The following SLC24A2 variants were observed in gnomAD, a reference collection of about 807,000 sequenced individuals.
SLC24A2 encodes the protein solute carrier family 24 member 2.
SLC24A2 carries 36 observed loss-of-function variants against 62.0 expected under a neutral mutation model. The ratio of observed to expected loss-of-function variants is 0.58; its 90% CI spans 0.44 to 0.77. The LOEUF (loss-of-function observed/expected upper bound fraction) is 0.77. Ranked by LOEUF, SLC24A2 falls within the 30% of genes least tolerant of loss-of-function variation. SLC24A2 has a pLI of 0.00. For synonymous variants in SLC24A2, 358 were observed against 294.0 expected (o/e 1.22, Z -2.23); for missense variants, 846 against 817.9 (o/e 1.03, Z -0.42).
the SLC24A2 span, among the ~76,000 whole-genome samples, chr9:19,934,714 C>T: frequency 6.6e-6 from 1 of 152,166 alleles, no homozygotes; most frequent in South Asian, 2.1e-4. The surrounding 1 kb of genome is among the most constrained non-coding windows in gnomAD (Gnocchi z 4.1). Flanking sequence ...GGAAACGTTC[C>T]CTACGCTTCC....
the SLC24A2 span, among the ~76,000 whole-genome samples, chr9:19,913,498 G>A: frequency 6.6e-6 from 1 of 152,022 alleles, no homozygotes; most frequent in Non-Finnish European, 1.5e-5. Flanking sequence ...GGATAAATAA[G>A]CAGAGAAAGC....
At chr9:19,805,627 T>C in the SLC24A2 span, among the ~76,000 whole-genome samples, 2 of 152,158 alleles carry the variant, frequency 1.3e-5, no homozygotes, top group Non-Finnish European at 2.9e-5. Context: ...AGTGAATGAA[T>C]TCAATCCCTT....
intron 2 of SLC24A2, among the ~76,000 whole-genome samples, chr9:19,661,737 A>T (rs1819107630): frequency 1.3e-5 from 2 of 152,184 alleles, no homozygotes; most frequent in Non-Finnish European, 2.9e-5. Context: ...GCAGCCCTTG[A>T]CAAAAAACCA....
the SLC24A2 span, among the ~76,000 whole-genome samples, chr9:20,267,447 G>A: frequency 9.9e-5 from 15 of 152,184 alleles, no homozygotes; most frequent in African/African-American, 2.4e-4. Context: ...CAGGACCCCC[G>A]AGTGCCGCCA....
chr9:20,137,745 T>C, the SLC24A2 span, among the ~76,000 whole-genome samples: 1 of 152,192 alleles, frequency 6.6e-6, no homozygotes, highest in Non-Finnish European at 1.5e-5. Context: ...ACAGTAACAA[T>C]ATTTTTAAAC....
chr9:20,070,946 G>T, the SLC24A2 span, among the ~76,000 whole-genome samples: 2 of 152,208 alleles, frequency 1.3e-5, no homozygotes, highest in African/African-American at 4.8e-5. Context: ...GAGGTGATTG[G>T]GTTATAGAGG....
At chr9:19,765,205 G>A (rs1208932947) in intron 2 of SLC24A2, among the ~76,000 whole-genome samples, 2 of 151,828 alleles carry the variant, frequency 1.3e-5, no homozygotes, top group African/African-American at 4.8e-5. Flanking sequence ...CACATTAGAT[G>A]GGTCTCCTGA....
Position 19,626,109 on chromosome 9 carries a change from T to C in SLC24A2, c.931-3810A>G, listed in dbSNP as rs191561626. The stretch of plus-strand genomic sequence containing the variant: ...CCATTTGGATAGCATTTTGATGCTA[T>C]AAATCAGTCCCAAGTCCTTAAATCT... On this transcript the variant is annotated intron_variant, in intron 2 of 10. Coordinates refer to ENST00000341998, the MANE Select transcript of SLC24A2 (RefSeq NM_020344.4). Among the ~76,000 whole-genome samples the C allele has an allele frequency of 6.4e-4, 98 of 152,336 alleles. 1 individual carries two copies. The highest frequency in any genetic ancestry group is 1.1e-3 in the Non-Finnish European group (72 of 68,030).
the SLC24A2 span, among the ~76,000 whole-genome samples, chr9:20,057,093 G>GTA: frequency 1.3e-5 from 2 of 152,090 alleles, no homozygotes; most frequent in Non-Finnish European, 2.9e-5. Flanking sequence ...CCCCAAGTGG[G>GTA]TATATGTGTG....
At chr9:19,726,256 G>A (rs558871803) in intron 2 of SLC24A2, among the ~76,000 whole-genome samples, 88 of 152,260 alleles carry the variant, frequency 5.8e-4, no homozygotes, top group African/African-American at 1.8e-3. Context: ...TCTTGCTGCA[G>A]TAATAACATT....
chr9:20,020,431 T>A, the SLC24A2 span, among the ~76,000 whole-genome samples: 79 of 152,254 alleles, frequency 5.2e-4, 1 homozygote, highest in African/African-American at 1.8e-3. Context: ...AGGACATGGA[T>A]GAAGCTGGAA....
chr9:20,146,095 C>T, the SLC24A2 span, among the ~76,000 whole-genome samples: 1 of 152,146 alleles, frequency 6.6e-6, no homozygotes, highest in Non-Finnish European at 1.5e-5. Context: ...CTGCAATTAA[C>T]ATTCTTGTGA....
chr9:20,030,150 C>T, the SLC24A2 span, among the ~76,000 whole-genome samples: 1 of 152,200 alleles, frequency 6.6e-6, no homozygotes, highest in Non-Finnish European at 1.5e-5. Flanking sequence ...AGCCCCTGCA[C>T]TGGTTCCCCA....
the SLC24A2 span, among the ~76,000 whole-genome samples, chr9:19,868,507 A>G: frequency 6.6e-6 from 1 of 152,216 alleles, no homozygotes; most frequent in African/African-American, 2.4e-5. Flanking sequence ...AATTTGATTA[A>G]TGATGTTGTG....
At chr9:19,568,841 T>C (rs1017418137) in intron 7 of SLC24A2, among the ~76,000 whole-genome samples, 8 of 152,226 alleles carry the variant, frequency 5.3e-5, no homozygotes, top group African/African-American at 1.9e-4. Context: ...AAAGCTTCCT[T>C]TCCATCCCAG....
At chr9:20,049,471 A>C in the SLC24A2 span, among the ~76,000 whole-genome samples, 1 of 152,172 alleles carries the variant, frequency 6.6e-6, no homozygotes, top group Non-Finnish European at 1.5e-5. Context: ...AGGAAGCCAC[A>C]GTCACTATAG....
Position 19,513,722 on chromosome 9 carries a change from G to A in SLC24A2, c.*2431C>T, listed in dbSNP as rs1832821756. On this transcript the variant is annotated 3_prime_UTR_variant, in exon 11 of 11. Coordinates refer to ENST00000341998, the MANE Select transcript of SLC24A2 (RefSeq NM_020344.4). ...TTTTACATGGTCTGTTTGCAGTTGA[G>A]TCAGTCACCTATTTAAACCTTATTT... The A allele has an allele frequency of 6.6e-6, 1 of 152,166 alleles. No individual in the cohort carries two copies. Among genetic ancestry groups the A allele is most frequent in the Non-Finnish European group, 1.5e-5 (1 of 68,038 alleles). 9.4% of individuals were successfully genotyped at this position (152,166 alleles called of 1,614,324 possible).
the SLC24A2 span, among the ~76,000 whole-genome samples, chr9:20,302,533 G>C: frequency 2.0e-5 from 3 of 152,252 alleles, no homozygotes; most frequent in Middle Eastern, 6.8e-3. Flanking sequence ...ATCTTATGTG[G>C]TGAGGTGTCT....
At chr9:19,984,185 A>G in the SLC24A2 span, among the ~76,000 whole-genome samples, 1 of 152,204 alleles carries the variant, frequency 6.6e-6, no homozygotes, top group Non-Finnish European at 1.5e-5. Context: ...CTACAAATTC[A>G]ATACAATCTC....
Sources: gnomAD v4.1 joint callset for allele counts (sites outside exome capture counted in the v4.1 genomes callset) on GRCh38, gnomAD v4.1.1 for gene constraint, Gnocchi (gnomAD v3.1) non-coding constraint, MANE v1.5 for transcripts, NCBI Gene and HGNC (gene_info 2026-07-23, HGNC 2026-07-21) for gene names.